The following DET1 variants were observed in gnomAD, a reference collection of about 807,000 sequenced individuals.
DET1 encodes the protein DET1 homolog.
Under a neutral mutation model 43.7 loss-of-function variants are expected in DET1, and 22 were observed. The ratio of observed to expected loss-of-function variants is 0.50; its 90% confidence interval spans 0.36 to 0.72. DET1 has a LOEUF of 0.72. DET1 is among the 30% of genes least tolerant of loss of function. The probability of loss-of-function intolerance (pLI) is 0.00; values close to 1 mark genes in which losing one functional copy is unlikely to be tolerated. For synonymous variants in DET1, 315 were observed against 266.2 expected (o/e 1.18, Z -1.79); for missense variants, 713 against 713.3 (o/e 1.00, Z 0.00).
At chr15:88,505,705 G>C (rs765702063) in intron 7 of DET1, 1 of 152,144 alleles carries the variant, frequency 6.6e-6, no homozygotes, top group Non-Finnish European at 1.5e-5. Context: ...ATACACTCCA[G>C]TTTCAAAAAC....
At chr15:88,544,750 T>C (rs1386359111) in intron 1 of DET1, among the ~76,000 whole-genome samples, 2 of 152,130 alleles carry the variant, frequency 1.3e-5, no homozygotes, top group Non-Finnish European at 2.9e-5. Flanking sequence ...CAGGCCTCGG[T>C]CAGGCCCCTT....
At chr15:88,515,538 T>TAAAAAAA (rs1491544233) in intron 4 of DET1, among the ~76,000 whole-genome samples, 7,109 of 47,434 alleles carry the variant, frequency 0.15, 3,051 homozygotes, top group Middle Eastern at 0.36. Flanking sequence ...GACTCCGTCT[T>TAAAAAAA]ATAAAAAAAA....
rs1336002670 is a variant in DET1 at position 88,543,511 on chromosome 15, G to A, written c.-11+3029C>T. ...GGAACTGTTAGAAACTACCGAAACT[G>A]GCCGACCTGATCTTCAAGATGTGGC... On this transcript the variant is annotated intron_variant, in intron 1 of 4. Transcript: ENST00000268148. Among the ~76,000 whole-genome samples, 3 of 152,302 alleles carry A rather than the reference G, an allele frequency of 2.0e-5. No individual in the cohort carries two copies. In the East Asian group the frequency reaches 5.8e-4, roughly 29 times the overall value.
intron 4 of DET1, 88 bp from the exon 5 acceptor site, chr15:88,513,228 G>T: frequency 7.4e-7 from 1 of 1,346,574 alleles, no homozygotes; most frequent in Non-Finnish European, 1.0e-6. Flanking sequence ...GGGGAATGTG[G>T]CAACTCATTA....
intron 3 of DET1, among the ~76,000 whole-genome samples, chr15:88,526,171 C>T (rs574455384): frequency 6.6e-6 from 1 of 152,364 alleles, no homozygotes; most frequent in East Asian, 1.9e-4. Flanking sequence ...CAATAGCCAT[C>T]TATCTGTAAT....
intron 3 of DET1, among the ~76,000 whole-genome samples, chr15:88,524,978 A>G (rs1039448135): frequency 3.3e-5 from 5 of 152,232 alleles, no homozygotes; most frequent in Non-Finnish European, 7.3e-5. Context: ...TTCAATGTAT[A>G]TATACATTAT....
rs374698448 is a variant in DET1 at position 88,531,356 on chromosome 15, C to T, written c.350G>A (p.Arg117Gln). The change falls in exon 2 of 5, where the codon CGG becomes CAG. Residue 117 changes from arginine to glutamine, a missense_variant. Arg to Gln is a conservative substitution (Grantham distance 43). Coordinates refer to ENST00000268148, the MANE Select transcript of DET1 (RefSeq NM_001144074.3). This position sits in a 1 kb window ranked among gnomAD's most constrained non-coding sequence, Gnocchi z 6.2. ...NGNDQRSVNI[R>Q]GRLFERFFVL... ...AAAAAAGCGTTCAAAGAGCCGGCCCCGGATATTCACTGACCGCTGGTCATT... is the reference window on the plus strand; with the variant it reads ...AAAAAAGCGTTCAAAGAGCCGGCCCTGGATATTCACTGACCGCTGGTCATT... The T allele has an allele frequency of 1.1e-5, 18 of 1,613,880 alleles. No homozygotes were observed. The East Asian group carries it at 1.8e-4, about 16-fold the overall frequency.
In DET1 at chr15:88,516,816, C is replaced by G. The variant is rs763107179; in HGVS notation, c.1429G>C (p.Glu477Gln). The G allele has an allele frequency of 1.9e-6, 3 of 1,607,884 alleles. No individual in the cohort carries two copies. In the South Asian group the frequency reaches 3.3e-5, roughly 18 times the overall value. ...SYDDKWVSVM[E>Q]RPKTCGDHPI... Reference sequence around the variant, plus strand: ...TGATCTCCACAAGTCTTGGGCCGCTCCATGACAGATACCCACTTGTCATCA... The same window carrying G: ...TGATCTCCACAAGTCTTGGGCCGCTGCATGACAGATACCCACTTGTCATCA... Residue 477 changes from glutamate to glutamine, a missense_variant, in exon 4 of 5, where the codon GAG (glutamate) becomes CAG (glutamine). Glu to Gln is a conservative substitution (Grantham distance 29). Coordinates refer to ENST00000268148, the MANE Select transcript of DET1 (RefSeq NM_001144074.3). The surrounding 1 kb of genome is among the most constrained non-coding windows in gnomAD (Gnocchi z 4.4).
chr15:88,525,111 A>G (rs1373284545), intron 3 of DET1, among the ~76,000 whole-genome samples: 1 of 152,226 alleles, frequency 6.6e-6, no homozygotes, highest in African/African-American at 2.4e-5. Context: ...ATTCCCAATT[A>G]TGGGTATAAT....
chr15:88,530,279 C>A (rs1012943847), intron 2 of DET1, among the ~76,000 whole-genome samples: 2 of 152,308 alleles, frequency 1.3e-5, no homozygotes, highest in South Asian at 4.1e-4. Flanking sequence ...ACCAATAATA[C>A]AGTCTTACAA....
downstream of DET1, among the ~76,000 whole-genome samples, chr15:88,508,927 T>A (rs1346803950): frequency 2.0e-5 from 3 of 152,094 alleles, no homozygotes; most frequent in African/African-American, 7.2e-5. Context: ...GATAAAATAA[T>A]TGCAGGAACA....
chr15:88,530,372 C>G (rs2056778775), intron 2 of DET1, among the ~76,000 whole-genome samples: 1 of 152,190 alleles, frequency 6.6e-6, no homozygotes, highest in Non-Finnish European at 1.5e-5. Flanking sequence ...TGAAAATACT[C>G]TGCAGAAGAG....
intron 1 of DET1, among the ~76,000 whole-genome samples, chr15:88,542,489 C>T (rs369865244): frequency 3.3e-5 from 5 of 152,250 alleles, no homozygotes; most frequent in African/African-American, 7.2e-5. Flanking sequence ...CCTTTTGACC[C>T]GGTGGCTCCC....
At position 88,516,645 on chromosome 15, in the gene DET1, A is replaced by G; in HGVS notation, c.1463+137T>C. ...ATGATCACAGCTCTCACTGCATTAT[A>G]GAAATAGCCTGCCTTTTCAACCTTA... On this transcript the variant is annotated intron_variant, in intron 4 of 4. Coordinates refer to ENST00000268148, the MANE Select transcript of DET1 (RefSeq NM_001144074.3). The surrounding 1 kb of genome is among the most constrained non-coding windows in gnomAD (Gnocchi z 4.4). The G allele has an allele frequency of 2.9e-6, 2 of 696,132 alleles. No homozygotes were observed. Among genetic ancestry groups the G allele is most frequent in the Non-Finnish European group, 4.4e-6 (2 of 454,350 alleles). 43.1% of individuals were successfully genotyped at this position (696,132 alleles called of 1,614,324 possible). A position where few individuals can be genotyped will look rare whatever the true frequency, so the allele number is the denominator to read the frequency against.
rs750646473 is a variant in DET1, at chr15:88,520,160, G to A, written c.1272-3187C>T. On this transcript the variant is annotated intron_variant, in intron 3 of 4. Coordinates refer to ENST00000268148, the MANE Select transcript of DET1 (RefSeq NM_001144074.3). ...CTAAACTGTTTCCCCTTCTCTACAG[G>A]ATCAGTCCCATCTGTATGCAAACAT... Among the ~76,000 whole-genome samples the A allele has an allele frequency of 6.6e-5, 10 of 152,104 alleles. No individual in the cohort carries two copies. In the South Asian group the frequency reaches 8.3e-4, roughly 13 times the overall value.
chr15:88,531,221 A>C lies in DET1; in HGVS notation c.485T>G (p.Leu162Arg). The C allele has an allele frequency of 6.2e-7, 1 of 1,613,892 alleles. No individual in the cohort carries two copies. Among genetic ancestry groups the C allele is most frequent in the South Asian group, 1.1e-5 (1 of 91,072 alleles). ...RCVIVGSAAY[L>R]PDEPHPPFFE... ...AAATGGAGGGTGAGGCTCATCTGGG[A>C]GGTAGGCAGCTGAGCCCACGATGAC... The change falls in exon 2 of 5, where the codon CTC (leucine) becomes CGC (arginine). Residue 162 changes from leucine (L) to arginine (R), a missense_variant. Coordinates refer to ENST00000268148, the MANE Select transcript of DET1 (RefSeq NM_001144074.3). The surrounding 1 kb of genome is among the most constrained non-coding windows in gnomAD (Gnocchi z 6.2).
chr15:88,525,920 C>T (rs1387649590), intron 3 of DET1, among the ~76,000 whole-genome samples: 4 of 150,192 alleles, frequency 2.7e-5, no homozygotes, highest in Admixed American at 2.0e-4. Context: ...AAGCAATCCA[C>T]CTGGCTTGGA....
intron 3 of DET1, among the ~76,000 whole-genome samples, chr15:88,519,328 C>G (rs1435748853): frequency 6.6e-6 from 1 of 152,170 alleles, no homozygotes; most frequent in Non-Finnish European, 1.5e-5. Flanking sequence ...TCGGTAATTT[C>G]AAAATCCTCA....
At chr15:88,539,692 G>C (rs957072746) in intron 1 of DET1, among the ~76,000 whole-genome samples, 1 of 152,078 alleles carries the variant, frequency 6.6e-6, no homozygotes, top group Non-Finnish European at 1.5e-5. Flanking sequence ...GTTCAGGCTG[G>C]CCACCACAGT....
Sources: allele counts gnomAD v4.1 joint callset (sites outside exome capture counted in the v4.1 genomes callset), GRCh38; gene constraint gnomAD v4.1.1; non-coding constraint Gnocchi (gnomAD v3.1); transcripts MANE v1.5; gene names NCBI Gene and HGNC (gene_info 2026-07-23, HGNC 2026-07-21).